Variants in ZBTB8OS observed in about 807,000 individuals in gnomAD.
ZBTB8OS encodes the protein tRNA splicing ligase complex subunit 1.
Under a neutral mutation model 29.3 loss-of-function variants are expected in ZBTB8OS, and 16 were observed. The observed-to-expected ratio is 0.55, with a 90% CI of 0.37 to 0.83. The LOEUF is 0.83. Ranked by LOEUF, ZBTB8OS falls within the 40% of genes least tolerant of loss-of-function variation. ZBTB8OS has a pLI of 0.00. For missense variants in ZBTB8OS, 160 were observed against 196.9 expected, an observed-to-expected ratio of 0.81 and a Z score of 1.12; for synonymous variants, 70 against 64.6, an observed-to-expected ratio of 1.08 and a Z score of -0.40.
intron 6 of ZBTB8OS, among the ~76,000 whole-genome samples, chr1:32,622,222 T>A (rs1644806672): frequency 6.6e-6 from 1 of 152,184 alleles, no homozygotes; most frequent in South Asian, 2.1e-4. Flanking sequence ...TGTCTGGACA[T>A]CAGTTTTTCA....
Position 32,621,554 on chromosome 1 carries a change from G to A in ZBTB8OS, c.*308C>T, listed in dbSNP as rs915515483. 1.4e-4 allele frequency: 42 copies of A among 297,586 alleles called. No individual in the cohort carries two copies. The highest frequency in any genetic ancestry group is 8.0e-4 in the African/African-American group (36 of 44,876). The allele number at this position is 297,586 out of a possible 1,614,324, so 18.4% of individuals were successfully genotyped here. ...TGACATCAGTGATCCTCTCTGGGGT[G>A]AGGCTGGAGGGCTTGCATTGCACTG... On this transcript the variant is annotated 3_prime_UTR_variant, in exon 7 of 7. Coordinates refer to ENST00000468695, the MANE Select transcript of ZBTB8OS (RefSeq NM_178547.5).
intron 5 of ZBTB8OS, 194 bp from the exon 6 acceptor site, chr1:32,627,738 T>A (rs1645224468): frequency 1.7e-6 from 1 of 591,506 alleles, no homozygotes; most frequent in African/African-American, 1.9e-5. Flanking sequence ...TCATTTGCTC[T>A]CAAGGTTGAT....
chr1:32,638,501 A>G (rs778257294), intron 1 of ZBTB8OS, among the ~76,000 whole-genome samples: 2 of 152,098 alleles, frequency 1.3e-5, no homozygotes, highest in Non-Finnish European at 2.9e-5. Flanking sequence ...AGAATTCTTT[A>G]TTCTCCTAAA....
Position 32,621,321 on chromosome 1 carries a change from C to T in ZBTB8OS, c.*541G>A, listed in dbSNP as rs1476422288. 3 of 152,024 alleles carry T rather than the reference C, an allele frequency of 2.0e-5. No homozygotes were observed. In the East Asian group the frequency reaches 5.8e-4, roughly 29 times the overall value. 9.4% of individuals were successfully genotyped at this position (152,024 alleles called of 1,614,324 possible). On this transcript the variant is annotated 3_prime_UTR_variant, in exon 7 of 7. Transcript: ENST00000468695. Reference sequence around the variant, plus strand: ...GGCTGAGGTAGGAGAATGGCGTGAACCCGGGAGGTGGAGCTTGCAGTAAGC... The same window carrying T: ...GGCTGAGGTAGGAGAATGGCGTGAATCCGGGAGGTGGAGCTTGCAGTAAGC...
In ZBTB8OS at chr1:32,632,957, A is replaced by G. The variant is rs553052808; in HGVS notation, c.327+688T>C. Among the ~76,000 whole-genome samples, 7 of 152,356 alleles carry G rather than the reference A, an allele frequency of 4.6e-5. No individual in the cohort carries two copies. The South Asian group carries it at 6.2e-4, about 14-fold the overall frequency. ...GAGTGACTCAGTTGATAGAATGAGT[A>G]TAAGTAGTGAAGCTGGTAAAGCAGA... is the stretch of plus-strand genomic sequence containing the variant. On this transcript the variant is annotated intron_variant, in intron 4 of 6. Coordinates refer to ENST00000468695, the MANE Select transcript of ZBTB8OS (RefSeq NM_178547.5).
intron 1 of ZBTB8OS, among the ~76,000 whole-genome samples, chr1:32,649,667 CAT>C (rs58488687): frequency 0.099 from 12,596 of 127,676 alleles, 1,258 homozygotes; most frequent in African/African-American, 0.28. Flanking sequence ...CACACACACA[CAT>C]TTTTTTTTTT....
chr1:32,649,204 G>A (rs1480895833), intron 1 of ZBTB8OS, among the ~76,000 whole-genome samples: 1 of 151,950 alleles, frequency 6.6e-6, no homozygotes. Context: ...CTGACCTCAG[G>A]TGATCCACCC....
At chr1:32,640,220 C>T (rs1272294640) in intron 1 of ZBTB8OS, among the ~76,000 whole-genome samples, 1 of 152,094 alleles carries the variant, frequency 6.6e-6, no homozygotes, top group Non-Finnish European at 1.5e-5. Flanking sequence ...CCTCAGCCTC[C>T]CGAGTAGCTG....
chr1:32,636,485 T>C (rs1222424387), intron 1 of ZBTB8OS, among the ~76,000 whole-genome samples: 3 of 152,046 alleles, frequency 2.0e-5, no homozygotes, highest in Admixed American at 1.3e-4. Flanking sequence ...GGTCAGGAGA[T>C]AGAGACCATC....
chr1:32,633,524 G>T, intron 4 of ZBTB8OS, 121 bp downstream of exon 4: 1 of 704,364 alleles, frequency 1.4e-6, no homozygotes, highest in Non-Finnish European at 2.4e-6. Flanking sequence ...CTGCAAATCA[G>T]TATCATCTTA....
At position 32,627,567 on chromosome 1, in the gene ZBTB8OS, T is replaced by C. The variant is rs778033764; in HGVS notation, c.381-23A>G. 4 of 1,608,108 alleles carry C rather than the reference T, an allele frequency of 2.5e-6. No individual in the cohort carries two copies. The South Asian group carries it at 4.4e-5, about 18-fold the overall frequency. On this transcript the variant is annotated intron_variant, in intron 5 of 6. Transcript: ENST00000468695. ...CACCTTGAGAATACAAATTAAAACA[T>C]GATTAAGATTTGTTCTCTCTTTATA...
At chr1:32,634,600 TCACTGAGC>T in intron 2 of ZBTB8OS, 160 bp downstream of exon 2, 1 of 762,324 alleles carries the variant, frequency 1.3e-6, no homozygotes, top group East Asian at 2.5e-5. Context: ...CAATCTCGGC[TCACTGAGC>T]CACTGAACCC....
intron 6 of ZBTB8OS, among the ~76,000 whole-genome samples, 172 bp downstream of exon 6, chr1:32,627,336 A>G (rs574012362): frequency 6.6e-6 from 1 of 152,256 alleles, no homozygotes; most frequent in African/African-American, 2.4e-5. Flanking sequence ...CCACTAAATC[A>G]GGTGTGTATA....
chr1:32,640,254 G>A (rs145399392), intron 1 of ZBTB8OS, among the ~76,000 whole-genome samples: 16,789 of 151,760 alleles, frequency 0.11, 1,713 homozygotes, highest in African/African-American at 0.26. Context: ...ACGCCACCAC[G>A]CCTGGCTAAT....
rs546584686 is a variant in ZBTB8OS at position 32,643,373 on chromosome 1, T to G, written c.97+7060A>C. Among the ~76,000 whole-genome samples, 218 of 125,446 alleles carry G rather than the reference T, an allele frequency of 1.7e-3. 2 individuals are homozygous for G. The highest frequency in any genetic ancestry group is 3.0e-3 in the Non-Finnish European group (177 of 59,596). 82.3% of individuals were successfully genotyped at this position (125,446 alleles called of 152,430 possible). On this transcript the variant is annotated intron_variant, in intron 1 of 6. Coordinates refer to ENST00000468695, the MANE Select transcript of ZBTB8OS (RefSeq NM_178547.5). ...CAGATATTAGCCACTGCACTTGGCC[T>G]TTAGTTTTTGTTTTAGTTTTTGGTT...
chr1:32,650,366 G>T (rs1647285029), intron 1 of ZBTB8OS, 67 bp downstream of exon 1: 2 of 1,596,618 alleles, frequency 1.3e-6, no homozygotes. Flanking sequence ...GCAGCAGGAA[G>T]CCGCGGGTAA....
intron 1 of ZBTB8OS, among the ~76,000 whole-genome samples, chr1:32,644,009 C>A (rs1367410189): frequency 6.6e-6 from 1 of 151,754 alleles, no homozygotes; most frequent in African/African-American, 2.4e-5. Context: ...AAAATTCTCT[C>A]GGCCCCAAGG....
chr1:32,634,914 C>T, intron 1 of ZBTB8OS, 122 bp from the exon 2 acceptor site: 2 of 770,676 alleles, frequency 2.6e-6, no homozygotes, highest in Non-Finnish European at 4.7e-6. Context: ...AAAATGTGGG[C>T]CAGTCCATCC....
chr1:32,650,662 T>C (rs961032853), upstream of ZBTB8OS: 70 of 1,541,336 alleles, frequency 4.5e-5, no homozygotes, highest in Non-Finnish European at 5.2e-5. Flanking sequence ...GAGTTGGCTG[T>C]TGACCTACTT....
Sources: allele counts gnomAD v4.1 joint callset (sites outside exome capture counted in the v4.1 genomes callset), GRCh38; gene constraint gnomAD v4.1.1; transcripts MANE v1.5; gene names NCBI Gene and HGNC (gene_info 2026-07-23, HGNC 2026-07-21).